The following STK33 variants were observed in gnomAD, a reference collection of about 807,000 sequenced individuals.
The protein encoded by STK33 is serine/threonine kinase 33.
STK33 carries 52 observed loss-of-function variants against 58.0 expected under a neutral mutation model. The observed-to-expected ratio is 0.90, with a 90% CI of 0.72 to 1.13. The LOEUF is 1.13. STK33 is among the 50% of genes most tolerant of loss of function. The pLI is 0.00. For synonymous variants in STK33, 215 were observed against 200.1 expected, an observed-to-expected ratio of 1.07 and a Z score of -0.63; for missense variants, 630 against 604.2, an observed-to-expected ratio of 1.04 and a Z score of -0.45.
At chr11:8,374,240 A>G in the STK33 span, among the ~76,000 whole-genome samples, 1,101 of 152,288 alleles carry the variant, frequency 7.2e-3, 15 homozygotes, top group African/African-American at 0.025. Context: ...TCAAGGGCCA[A>G]TTAGAGCACA....
chr11:8,565,158 A>G (rs1261078122), intron 1 of STK33, among the ~76,000 whole-genome samples: 3 of 145,926 alleles, frequency 2.1e-5, no homozygotes, highest in African/African-American at 8.4e-5. Flanking sequence ...AGAAAAGAGG[A>G]AAAAAAAATA....
At chr11:8,362,787 TCTC>T in the STK33 span, among the ~76,000 whole-genome samples, 2 of 152,154 alleles carry the variant, frequency 1.3e-5, no homozygotes, top group South Asian at 2.1e-4. Context: ...CCAGCTTCCT[TCTC>T]CTTTTTTTCC....
intron 11 of STK33, among the ~76,000 whole-genome samples, chr11:8,441,076 T>G (rs1459199710): frequency 6.6e-6 from 1 of 152,170 alleles, no homozygotes; most frequent in Non-Finnish European, 1.5e-5. Flanking sequence ...ATCCCAGCCC[T>G]TTCCACAAAA....
At chr11:8,532,611 T>A (rs563627692) in intron 1 of STK33, among the ~76,000 whole-genome samples, 4 of 152,214 alleles carry the variant, frequency 2.6e-5, no homozygotes, top group Non-Finnish European at 5.9e-5. Context: ...ATATGACAAA[T>A]AGTTTTCATG....
chr11:8,481,604 C>T (rs1321702948), intron 1 of STK33, among the ~76,000 whole-genome samples: 1 of 152,174 alleles, frequency 6.6e-6, no homozygotes, highest in Non-Finnish European at 1.5e-5. Context: ...TGCACCTCCA[C>T]CATAATGCAG....
At chr11:8,360,714 C>T in the STK33 span, among the ~76,000 whole-genome samples, 1 of 152,244 alleles carries the variant, frequency 6.6e-6, no homozygotes, top group African/African-American at 2.4e-5. Flanking sequence ...TCCTTGCTGG[C>T]TGGCACCCAG....
intron 1 of STK33, among the ~76,000 whole-genome samples, chr11:8,569,531 G>A (rs1176628641): frequency 6.6e-6 from 1 of 152,162 alleles, no homozygotes; most frequent in East Asian, 1.9e-4. Context: ...AACACAGAAT[G>A]TTTTTATGAC....
In STK33 at chr11:8,413,536, G is replaced by C. The variant is rs1343520055; in HGVS notation, c.1303C>G (p.Pro435Ala). 1.1e-5 allele frequency: 18 copies of C among 1,613,924 alleles called. No homozygotes were observed. The highest frequency in any genetic ancestry group is 1.5e-5 in the Non-Finnish European group (18 of 1,179,926). Reference protein sequence around the residue: ...LKSYQPWGNVPDANYTSDEEE... With the variant: ...LKSYQPWGNVADANYTSDEEE... ...TCATCTGAAGTGTAATTGGCATCAG[G>C]GACATTTCCCCAGGGTTGGTAACTT... The change falls in exon 15 of 16, where the codon CCT (proline) becomes GCT (alanine). Residue 435 changes from proline to alanine, a missense_variant. Physicochemically the swap from Pro to Ala is conservative, Grantham distance 27 (BLOSUM62 -1). Transcript: ENST00000687296.
chr11:8,398,524 C>T (rs2135176668), intron 15 of STK33, among the ~76,000 whole-genome samples: 1 of 152,212 alleles, frequency 6.6e-6, no homozygotes, highest in South Asian at 2.1e-4. Flanking sequence ...ATTGTAAAGA[C>T]CATCAAGGCT....
chr11:8,383,290 G>A, the STK33 span, among the ~76,000 whole-genome samples: 2 of 152,196 alleles, frequency 1.3e-5, no homozygotes, highest in African/African-American at 4.8e-5. Context: ...GGCTGGATGT[G>A]GCAGCTGGAG....
At chr11:8,335,001 T>A in the STK33 span, among the ~76,000 whole-genome samples, 1 of 152,146 alleles carries the variant, frequency 6.6e-6, no homozygotes, top group Non-Finnish European at 1.5e-5. Context: ...AGGCTGTAGA[T>A]CTCTGACAGA....
chr11:8,572,041 T>A (rs138646274), intron 1 of STK33, among the ~76,000 whole-genome samples: 50,177 of 73,952 alleles, frequency 0.68, 14,681 homozygotes, highest in Middle Eastern at 0.78. Flanking sequence ...AAAAATAAAT[T>A]AATTAATTAA....
At chr11:8,381,607 C>T in the STK33 span, among the ~76,000 whole-genome samples, 1 of 152,152 alleles carries the variant, frequency 6.6e-6, no homozygotes, top group Non-Finnish European at 1.5e-5. Flanking sequence ...CCACTTGTAG[C>T]CGACACCCCA....
At chr11:8,490,176 T>A (rs568187773) in intron 1 of STK33, among the ~76,000 whole-genome samples, 1 of 152,278 alleles carries the variant, frequency 6.6e-6, no homozygotes, top group South Asian at 2.1e-4. Flanking sequence ...AGGGAAACTG[T>A]GACAGACCAT....
At chr11:8,371,355 G>A in the STK33 span, among the ~76,000 whole-genome samples, 1 of 152,144 alleles carries the variant, frequency 6.6e-6, no homozygotes, top group Non-Finnish European at 1.5e-5. Flanking sequence ...GCTGCCACGA[G>A]CCGAGGAATG....
At chr11:8,407,584 A>C (rs1196061041) in intron 15 of STK33, among the ~76,000 whole-genome samples, 1 of 152,098 alleles carries the variant, frequency 6.6e-6, no homozygotes, top group Non-Finnish European at 1.5e-5. Context: ...AAATTTGACC[A>C]TTTCATATAA....
At chr11:8,540,769 G>A (rs1214171703) in intron 1 of STK33, among the ~76,000 whole-genome samples, 4 of 152,070 alleles carry the variant, frequency 2.6e-5, no homozygotes, top group Admixed American at 6.6e-5. Flanking sequence ...AAGAGATGCA[G>A]ATCAAAGGAT....
At chr11:8,485,846 T>C (rs372763626) in intron 1 of STK33, among the ~76,000 whole-genome samples, 8 of 152,344 alleles carry the variant, frequency 5.3e-5, no homozygotes, top group African/African-American at 1.2e-4. Context: ...TGTACATACT[T>C]GAAAACATAT....
In STK33 at chr11:8,425,153, A is replaced by C. The variant is rs377387002; in HGVS notation, c.1146+10341T>G. 2.8e-3 allele frequency among the ~76,000 whole-genome samples: 418 copies of C among 151,792 alleles called. 2 individuals carry two copies. The highest frequency in any genetic ancestry group is 9.6e-3 in the African/African-American group (398 of 41,356). ...TTAAGTCTTTAATCCATCTTGAATT[A>C]ATTTTTGTATAAGGTGTAAGGAAGG... is the stretch of plus-strand genomic sequence containing the variant. On this transcript the variant is annotated intron_variant, in intron 14 of 15. Transcript: ENST00000687296.
Sources: allele counts gnomAD v4.1 joint callset (sites outside exome capture counted in the v4.1 genomes callset), GRCh38; gene constraint gnomAD v4.1.1; transcripts MANE v1.5; gene names NCBI Gene and HGNC (gene_info 2026-07-23, HGNC 2026-07-21).